Variants in MYO7A observed in about 807,000 individuals in gnomAD.
MYO7A encodes the protein myosin VIIA.
Under a neutral mutation model 263.8 loss-of-function variants are expected in MYO7A, and 210 were observed. That is an observed-to-expected ratio of 0.80 (90% confidence interval 0.71 to 0.89). The LOEUF is 0.89. Ranked by LOEUF, MYO7A falls within the 40% of genes least tolerant of loss-of-function variation. MYO7A has a pLI of 0.00. For missense variants in MYO7A, 2,820 were observed against 2,968.3 expected, an observed-to-expected ratio of 0.95 and a Z score of 1.16; for synonymous variants, 1,239 against 1,197.3, an observed-to-expected ratio of 1.03 and a Z score of -0.72.
chr11:77,211,074 G>A lies in MYO7A; in HGVS notation c.6052-78G>A. ...GGGTAAGGTGGTAGACCCCGGCGTT[G>A]GGGGTCTTGGTGTGGTGGGAAAGGA... On this transcript the variant is annotated intron_variant, in intron 44 of 48. Transcript: ENST00000409709. The A allele has an allele frequency of 9.0e-6, 12 of 1,331,510 alleles. No individual in the cohort carries two copies. The South Asian group carries it at 1.4e-4, about 16-fold the overall frequency. 82.5% of individuals were successfully genotyped at this position (1,331,510 alleles called of 1,614,324 possible). A position where few individuals can be genotyped will look rare whatever the true frequency, so the allele number is the denominator to read the frequency against.
chr11:77,145,096 C>A (rs1440574726), intron 3 of MYO7A, among the ~76,000 whole-genome samples: 1 of 152,192 alleles, frequency 6.6e-6, no homozygotes, highest in Admixed American at 6.5e-5. Flanking sequence ...GGGAGCGGTG[C>A]AGCTACTGGG....
At chr11:77,190,262 C>T in intron 29 of MYO7A, 123 bp downstream of exon 29, 1 of 1,022,494 alleles carries the variant, frequency 9.8e-7, no homozygotes, top group Non-Finnish European at 1.3e-6. Flanking sequence ...TTCTGTGGTT[C>T]CTCAGACACC....
At chr11:77,148,667 C>T (rs77876944) in intron 4 of MYO7A, among the ~76,000 whole-genome samples, 1 of 152,298 alleles carries the variant, frequency 6.6e-6, no homozygotes, top group African/African-American at 2.4e-5. Context: ...CTTTTGTGTA[C>T]TGGGTTATAT....
At chr11:77,199,412 C>G in intron 34 of MYO7A, 123 bp from the exon 35 acceptor site, 1 of 1,066,006 alleles carries the variant, frequency 9.4e-7, no homozygotes, top group Non-Finnish European at 1.3e-6. Flanking sequence ...CTGTGGGTCT[C>G]CCTCTGGGCC....
intron 44 of MYO7A, chr11:77,209,109 A>C (rs1957688475): frequency 2.9e-6 from 1 of 343,346 alleles, no homozygotes; most frequent in East Asian, 5.4e-5. Context: ...GTAACTGGGT[A>C]ATTCCAAGGC....
chr11:77,170,943 G>A (rs550366262), intron 15 of MYO7A, among the ~76,000 whole-genome samples: 187 of 152,314 alleles, frequency 1.2e-3, no homozygotes, highest in Non-Finnish European at 2.1e-3. Context: ...CTGGAGCAAC[G>A]GGAAGGTGGG....
At chr11:77,167,776 C>T (rs2135363657) in intron 15 of MYO7A, among the ~76,000 whole-genome samples, 1 of 152,276 alleles carries the variant, frequency 6.6e-6, no homozygotes, top group Non-Finnish European at 1.5e-5. Context: ...ATCCACACAC[C>T]CCCAGCAGTA....
intron 10 of MYO7A, 115 bp from the exon 11 acceptor site, chr11:77,160,048 G>T: frequency 1.4e-6 from 2 of 1,440,274 alleles, no homozygotes; most frequent in South Asian, 2.8e-5. Context: ...GGGCAGGCGT[G>T]CTTAGTGGAG....
In MYO7A at chr11:77,182,140, G is replaced by A. The variant is rs1209629914; in HGVS notation, c.3094G>A (p.Glu1032Lys). 5.0e-6 allele frequency: 8 copies of A among 1,613,176 alleles called. No homozygotes were observed. Among genetic ancestry groups the A allele is most frequent in the Admixed American group, 3.3e-5 (2 of 60,006 alleles). The change falls in exon 24 of 49, where the codon GAG (glutamate) becomes AAG (lysine). Residue 1032 changes from glutamate (E) to lysine (K), a missense_variant. Transcript: ENST00000409709. ...ACAGCCACTGCTCTACCATGACGACGAGGGTGACCAGCTGGTAAGGCCTGC... is the reference window on the plus strand; with the variant it reads ...ACAGCCACTGCTCTACCATGACGACAAGGGTGACCAGCTGGTAAGGCCTGC... ...LKQPLLYHDDEGDQLAALAVW... is the reference protein window; with the variant it reads ...LKQPLLYHDDKGDQLAALAVW...
intron 16 of MYO7A, 71 bp from the exon 17 acceptor site, chr11:77,174,685 G>A: frequency 6.7e-7 from 1 of 1,494,466 alleles, no homozygotes; most frequent in East Asian, 2.5e-5. Flanking sequence ...GTCTGGGTTG[G>A]TCAAGTGCAC....
At chr11:77,153,721 C>G (rs563425309) in intron 4 of MYO7A, among the ~76,000 whole-genome samples, 1 of 152,286 alleles carries the variant, frequency 6.6e-6, no homozygotes, top group Admixed American at 6.5e-5. Flanking sequence ...TGACCTTTCA[C>G]CAGCAGACCT....
intron 30 of MYO7A, 87 bp from the exon 31 acceptor site, chr11:77,191,963 TC>T: frequency 8.2e-7 from 1 of 1,220,854 alleles, no homozygotes; most frequent in Non-Finnish European, 1.1e-6. Flanking sequence ...GCCTCCGTTT[TC>T]TGTCTGAACT....
chr11:77,182,279 A>T, intron 24 of MYO7A, 125 bp downstream of exon 24: 1 of 1,444,622 alleles, frequency 6.9e-7, no homozygotes, highest in South Asian at 1.3e-5. Flanking sequence ...ACCAGGTCTG[A>T]CTATAGTCTT....
intron 4 of MYO7A, among the ~76,000 whole-genome samples, chr11:77,150,465 G>A (rs1481646678): frequency 1.3e-5 from 2 of 152,180 alleles, no homozygotes; most frequent in Non-Finnish European, 2.9e-5. Flanking sequence ...AGGATAGCTT[G>A]GACATTACAT....
chr11:77,154,601 G>A (rs1555059939), intron 4 of MYO7A, among the ~76,000 whole-genome samples: 2 of 152,102 alleles, frequency 1.3e-5, no homozygotes, highest in African/African-American at 4.8e-5. Flanking sequence ...TGCTTGGCCT[G>A]GCTGCTCCCC....
At position 77,199,662 on chromosome 11, in the gene MYO7A, A is replaced by T. The variant is rs552367391; in HGVS notation, c.4696A>T (p.Thr1566Ser). 22 of 1,612,978 alleles carry T rather than the reference A, an allele frequency of 1.4e-5. No homozygotes were observed. In the South Asian group the frequency reaches 2.4e-4, roughly 18 times the overall value. Residue 1566 changes from threonine to serine, a missense_variant, in exon 35 of 49, where the codon ACG becomes TCG. Physicochemically the swap from Thr to Ser is moderately conservative, Grantham distance 58. Transcript: ENST00000409709. Reference protein sequence around the residue: ...PCWSCRGAKTTAPSFTLATIK... With the variant: ...PCWSCRGAKTSAPSFTLATIK... Reference sequence around the variant, plus strand: ...TTGGTCCTGCAGGGGAGCGAAAACGACGGCCCCCAGCTTCACGCTGGCCAC... The same window carrying T: ...TTGGTCCTGCAGGGGAGCGAAAACGTCGGCCCCCAGCTTCACGCTGGCCAC...
Position 77,212,887 on chromosome 11 carries a change from T to G in MYO7A, c.6355-65T>G, listed in dbSNP as rs1208469173. On this transcript the variant is annotated intron_variant, in intron 46 of 48. Transcript: ENST00000409709. ...TATCCCAGCTGGGGCCAGGCTTCAT[T>G]CCTGTCCCCAAATGCTTTTCTTGCT... 1.4e-5 allele frequency: 18 copies of G among 1,281,080 alleles called. No homozygotes were observed. In the East Asian group the frequency reaches 4.5e-4, roughly 32 times the overall value. The allele number at this position is 1,281,080 out of a possible 1,614,324, so 79.4% of individuals were successfully genotyped here.
intron 36 of MYO7A, 54 bp from the exon 37 acceptor site, chr11:77,202,246 C>A (rs1301778985): frequency 2.4e-5 from 37 of 1,527,362 alleles, no homozygotes; most frequent in Non-Finnish European, 3.2e-5. Flanking sequence ...CCATGTTGAT[C>A]CTGGTGGCCA....
intron 48 of MYO7A, 132 bp from the exon 49 acceptor site, chr11:77,214,475 A>C: frequency 1.4e-6 from 1 of 699,434 alleles, no homozygotes; most frequent in South Asian, 1.7e-5. Flanking sequence ...GATGGGAGAT[A>C]AGCCCTGAGT....
Sources: gnomAD v4.1 joint callset for allele counts (sites outside exome capture counted in the v4.1 genomes callset) on GRCh38, gnomAD v4.1.1 for gene constraint, MANE v1.5 for transcripts, NCBI Gene and HGNC (gene_info 2026-07-23, HGNC 2026-07-21) for gene names.